RFX4: variants seen among roughly 807,000 people sequenced by gnomAD.
The protein encoded by RFX4 is transcription factor RFX4.
A neutral mutation model predicts 95.0 loss-of-function variants in RFX4; 10 were observed. The observed-to-expected ratio is 0.11, with a 90% CI of 0.06 to 0.18. The LOEUF is 0.18. Ranked by LOEUF, RFX4 falls within the 10% of genes least tolerant of loss-of-function variation. The pLI is 1.00. For missense variants in RFX4, 640 were observed against 922.0 expected (o/e 0.69, Z 3.96); for synonymous variants, 321 against 340.7 (o/e 0.94, Z 0.64).
chr12:106,695,098 A>G (rs1247647082), intron 7 of RFX4, among the ~76,000 whole-genome samples: 3 of 152,182 alleles, frequency 2.0e-5, no homozygotes, highest in East Asian at 1.9e-4. Context: ...GAGGGACTCA[A>G]TTATCTCCCA....
At chr12:106,728,967 AT>A (rs1420835618) in intron 13 of RFX4, among the ~76,000 whole-genome samples, 6 of 152,324 alleles carry the variant, frequency 3.9e-5, no homozygotes, top group African/African-American at 1.2e-4. Flanking sequence ...GATCAGAGGC[AT>A]TAATGAAGAG....
At chr12:106,616,536 T>C (rs2040078006) in intron 2 of RFX4, among the ~76,000 whole-genome samples, 1 of 152,146 alleles carries the variant, frequency 6.6e-6, no homozygotes, top group South Asian at 2.1e-4. Flanking sequence ...TTATATAAGA[T>C]TGGTATTCTT....
intron 9 of RFX4, among the ~76,000 whole-genome samples, chr12:106,710,112 G>A (rs894768263): frequency 1.3e-5 from 2 of 152,090 alleles, no homozygotes; most frequent in African/African-American, 4.8e-5. Flanking sequence ...TGTACCGTTC[G>A]TTTGCTGCTA....
At chr12:106,749,415 C>T (rs538641960) in intron 16 of RFX4, among the ~76,000 whole-genome samples, 99 of 152,114 alleles carry the variant, frequency 6.5e-4, no homozygotes, top group Non-Finnish European at 1.3e-3. Context: ...TAATGCAGCA[C>T]GGCGGTGACC....
chr12:106,704,125 T>C (rs1370748472), intron 8 of RFX4, among the ~76,000 whole-genome samples: 1 of 101,154 alleles, frequency 9.9e-6, no homozygotes, highest in African/African-American at 3.8e-5. Context: ...CACCTGCAAA[T>C]AAATGAAATA....
chr12:106,689,596 AC>A (rs2041737447), intron 7 of RFX4, among the ~76,000 whole-genome samples: 1 of 152,098 alleles, frequency 6.6e-6, no homozygotes, highest in African/African-American at 2.4e-5. Context: ...CTTTGACTGA[AC>A]TGGTGAACTG....
chr12:106,630,381 C>T (rs1057471453), intron 2 of RFX4, among the ~76,000 whole-genome samples: 3 of 152,294 alleles, frequency 2.0e-5, no homozygotes, highest in East Asian at 3.9e-4. Flanking sequence ...CCAGAGGAGG[C>T]GAGAGGAAGC....
At chr12:106,675,131 G>A (rs928891065) in intron 4 of RFX4, among the ~76,000 whole-genome samples, 2 of 152,082 alleles carry the variant, frequency 1.3e-5, no homozygotes, top group South Asian at 2.1e-4. Flanking sequence ...TAATAACAAC[G>A]TATTCTTGAA....
At chr12:106,628,149 C>A (rs1251406975) in intron 2 of RFX4, among the ~76,000 whole-genome samples, 4 of 152,170 alleles carry the variant, frequency 2.6e-5, no homozygotes, top group Non-Finnish European at 5.9e-5. Context: ...TCAAGGGCTG[C>A]CCATTCTGCC....
chr12:106,706,470 G>T (rs2042088740), intron 8 of RFX4, among the ~76,000 whole-genome samples: 1 of 152,190 alleles, frequency 6.6e-6, no homozygotes, highest in Non-Finnish European at 1.5e-5. Flanking sequence ...GAGAGAAGTG[G>T]CTGTGCTTGG....
chr12:106,692,015 G>T (rs915746923), intron 7 of RFX4, among the ~76,000 whole-genome samples: 1 of 152,116 alleles, frequency 6.6e-6, no homozygotes, highest in South Asian at 2.1e-4. Context: ...AAATTAGCTG[G>T]ACGTGGTGGC....
chr12:106,622,622 A>AT (rs34736856), intron 2 of RFX4, among the ~76,000 whole-genome samples: 5,663 of 132,232 alleles, frequency 0.043, 159 homozygotes, highest in East Asian at 0.11. Flanking sequence ...TCCAAGCTGC[A>AT]TTTTTTTTTT....
In RFX4 at chr12:106,733,135, G is replaced by A. The variant is rs771267069; in HGVS notation, c.1633+50G>A. ...TTGGGTAGTTAATGTTTGAAGAAAG[G>A]GCTTTCTGCCAGCCTGGGCAACATA... On this transcript the variant is annotated intron_variant, in intron 15 of 17. Transcript: ENST00000392842. 2.5e-6 allele frequency: 4 copies of A among 1,588,962 alleles called. No homozygotes were observed. In the East Asian group the frequency reaches 9.0e-5, roughly 36 times the overall value.
chr12:106,729,842 G>GTAAT (rs2042577042), intron 13 of RFX4, among the ~76,000 whole-genome samples: 1 of 152,212 alleles, frequency 6.6e-6, no homozygotes, highest in South Asian at 2.1e-4. Context: ...AACAGCGCAT[G>GTAAT]TAATTACCCA....
intron 9 of RFX4, 128 bp downstream of exon 9, chr12:106,709,558 T>G (rs1432383938): frequency 1.6e-6 from 1 of 619,048 alleles, no homozygotes; most frequent in Non-Finnish European, 2.7e-6. Context: ...GGTATTATAC[T>G]AATTACTTTA....
At chr12:106,679,892 C>A (rs1218392314) in intron 4 of RFX4, among the ~76,000 whole-genome samples, 2 of 152,164 alleles carry the variant, frequency 1.3e-5, no homozygotes, top group Non-Finnish European at 2.9e-5. Context: ...CACTGCTAGA[C>A]AAAGTGTTTA....
chr12:106,705,385 T>C (rs1325983489), intron 8 of RFX4, among the ~76,000 whole-genome samples: 4 of 152,160 alleles, frequency 2.6e-5, no homozygotes, highest in Non-Finnish European at 4.4e-5. Context: ...GGAGGAAAAG[T>C]GTGTCCCTAG....
intron 4 of RFX4, among the ~76,000 whole-genome samples, chr12:106,678,016 C>A (rs1406067062): frequency 6.6e-6 from 1 of 152,130 alleles, no homozygotes; most frequent in African/African-American, 2.4e-5. Context: ...TTGATCTATA[C>A]ATTATTCAAA....
intron 1 of RFX4, among the ~76,000 whole-genome samples, chr12:106,600,211 T>C (rs934862121): frequency 2.6e-5 from 4 of 152,216 alleles, no homozygotes; most frequent in African/African-American, 7.2e-5. Context: ...TGCTTGTCAG[T>C]TTCTTGAAAG....
Sources: allele counts gnomAD v4.1 joint callset (sites outside exome capture counted in the v4.1 genomes callset), GRCh38; gene constraint gnomAD v4.1.1; transcripts MANE v1.5; gene names NCBI Gene and HGNC (gene_info 2026-07-23, HGNC 2026-07-21).